SLCO5A1: variants seen among roughly 807,000 people sequenced by gnomAD.
The protein encoded by SLCO5A1 is solute carrier organic anion transporter family member 5A1, also known as organic anion transporter polypeptide-related protein 4.
In SLCO5A1, 39 loss-of-function variants were observed where a neutral mutation model predicts 65.1. The ratio of observed to expected loss-of-function variants is 0.60; its 90% CI spans 0.46 to 0.78. The LOEUF is 0.78. Ranked by LOEUF, SLCO5A1 falls within the 30% of genes least tolerant of loss-of-function variation. The pLI is 0.00. For synonymous variants in SLCO5A1, 438 were observed against 415.7 expected (o/e 1.05, Z -0.65); for missense variants, 1,029 against 1,069.4 (o/e 0.96, Z 0.53).
intron 9 of SLCO5A1, among the ~76,000 whole-genome samples, chr8:69,673,548 A>G (rs908275441): frequency 1.3e-5 from 2 of 152,210 alleles, no homozygotes; most frequent in Admixed American, 1.3e-4. Context: ...TTAGCCACCC[A>G]GAATGCGCTG....
intron 9 of SLCO5A1, among the ~76,000 whole-genome samples, chr8:69,675,053 C>CAT (rs954506289): frequency 8.0e-5 from 12 of 150,144 alleles, no homozygotes; most frequent in South Asian, 2.2e-4. Context: ...AAAAAAAATA[C>CAT]ATATATATAT....
At chr8:69,710,042 G>A (rs1815160781) in intron 5 of SLCO5A1, among the ~76,000 whole-genome samples, 2 of 70,264 alleles carry the variant, frequency 2.8e-5, no homozygotes, top group Non-Finnish European at 6.3e-5. Flanking sequence ...TTTTTAGACA[G>A]AGTTTCACTC....
intron 8 of SLCO5A1, among the ~76,000 whole-genome samples, chr8:69,677,028 TTTTTTG>T (rs746744066): frequency 6.7e-5 from 10 of 148,764 alleles, no homozygotes; most frequent in African/African-American, 1.0e-4. Flanking sequence ...ACTGCACGGT[TTTTTTG>T]TTTTTGTTTT....
At chr8:69,804,031 A>C (rs1001803902) in intron 2 of SLCO5A1, among the ~76,000 whole-genome samples, 2 of 152,188 alleles carry the variant, frequency 1.3e-5, no homozygotes, top group African/African-American at 4.8e-5. Context: ...CTGAAACAGC[A>C]GCCAAGAAAA....
chr8:69,789,253 T>C (rs898787274), intron 2 of SLCO5A1, among the ~76,000 whole-genome samples: 2 of 152,254 alleles, frequency 1.3e-5, no homozygotes, highest in Non-Finnish European at 2.9e-5. Flanking sequence ...CTTTTATCCA[T>C]TTATTTTGTG....
intron 2 of SLCO5A1, among the ~76,000 whole-genome samples, chr8:69,782,263 A>G (rs1440411856): frequency 6.6e-6 from 1 of 152,110 alleles, no homozygotes; most frequent in African/African-American, 2.4e-5. Context: ...ATCAAAAATT[A>G]TAAGTTATAT....
chr8:69,819,182 A>G (rs6472487), intron 2 of SLCO5A1, among the ~76,000 whole-genome samples: 89,101 of 151,704 alleles, frequency 0.59, 27,625 homozygotes, highest in African/African-American at 0.81. Context: ...CTCAGGAAGG[A>G]AGAAGGGGAT....
At chr8:69,712,176 A>G (rs1442337312) in intron 5 of SLCO5A1, among the ~76,000 whole-genome samples, 1 of 152,256 alleles carries the variant, frequency 6.6e-6, no homozygotes, top group African/African-American at 2.4e-5. Flanking sequence ...TGCTTTGCTC[A>G]TAAAAGGTCT....
intron 2 of SLCO5A1, among the ~76,000 whole-genome samples, chr8:69,785,814 T>C (rs1387040496): frequency 1.3e-5 from 2 of 152,228 alleles, no homozygotes; most frequent in African/African-American, 4.8e-5. Flanking sequence ...CCACCATTGC[T>C]GCTCTCCTAG....
chr8:69,737,994 GT>G, intron 5 of SLCO5A1, 45 bp downstream of exon 5: 2 of 1,581,880 alleles, frequency 1.3e-6, no homozygotes, highest in Non-Finnish European at 1.7e-6. Context: ...CCATTTCATG[GT>G]CAAAATGATC....
At chr8:69,792,596 A>T (rs938868562) in intron 2 of SLCO5A1, among the ~76,000 whole-genome samples, 4 of 152,220 alleles carry the variant, frequency 2.6e-5, no homozygotes, top group African/African-American at 9.6e-5. Context: ...GATGGATAAG[A>T]AAACTCGATA....
At chr8:69,793,451 TC>T (rs905111183) in intron 2 of SLCO5A1, among the ~76,000 whole-genome samples, 6 of 152,034 alleles carry the variant, frequency 3.9e-5, no homozygotes, top group Non-Finnish European at 8.8e-5. Flanking sequence ...GTCTTTTTTT[TC>T]CTATGTCAAT....
In SLCO5A1 at chr8:69,669,816, A is replaced by G. The variant is rs1586663269; in HGVS notation, c.*3053T>C. On this transcript the variant is annotated 3_prime_UTR_variant, in exon 10 of 10. Coordinates refer to ENST00000260126, the MANE Select transcript of SLCO5A1 (RefSeq NM_030958.3). ...GGGTGACAGAGCAAGACTCTGTCTC[A>G]AAAAAAAAAAAAGAATCAAATCTTT... 1 of 2,188 alleles carries G rather than the reference A, an allele frequency of 4.6e-4. No homozygotes were observed. Among genetic ancestry groups the G allele is most frequent in the Non-Finnish European group, 9.5e-4 (1 of 1,056 alleles). The allele number at this position is 2,188 out of a possible 1,614,324, so 0.1% of individuals were successfully genotyped here. A position where few individuals can be genotyped will look rare whatever the true frequency, so the allele number is the denominator to read the frequency against.
chr8:69,784,900 AAG>A (rs1818973851), intron 2 of SLCO5A1, among the ~76,000 whole-genome samples: 1 of 30,170 alleles, frequency 3.3e-5, no homozygotes, highest in Non-Finnish European at 5.8e-5. Flanking sequence ...GAAAGGAAGA[AAG>A]AAAGAAAGAA....
intron 6 of SLCO5A1, among the ~76,000 whole-genome samples, chr8:69,691,372 T>C (rs1409311106): frequency 6.6e-6 from 1 of 152,214 alleles, no homozygotes; most frequent in Non-Finnish European, 1.5e-5. Context: ...AAATCTACCT[T>C]CTTAACAAAG....
intron 2 of SLCO5A1, among the ~76,000 whole-genome samples, chr8:69,786,282 T>C (rs773474692): frequency 2.3e-4 from 35 of 152,236 alleles, no homozygotes; most frequent in Admixed American, 2.0e-4. Context: ...TTATTTCATA[T>C]GTGACAACTG....
intron 2 of SLCO5A1, among the ~76,000 whole-genome samples, chr8:69,792,570 G>T (rs1819317917): frequency 1.3e-5 from 2 of 152,204 alleles, no homozygotes; most frequent in South Asian, 4.1e-4. Context: ...TACTATGTAA[G>T]AATTAAAAGG....
At chr8:69,789,258 T>C (rs1819165796) in intron 2 of SLCO5A1, among the ~76,000 whole-genome samples, 1 of 152,218 alleles carries the variant, frequency 6.6e-6, no homozygotes, top group South Asian at 2.1e-4. Flanking sequence ...ATCCATTTAT[T>C]TTGTGTTTTG....
intron 2 of SLCO5A1, among the ~76,000 whole-genome samples, chr8:69,793,316 A>G (rs1342765385): frequency 6.6e-6 from 1 of 151,932 alleles, no homozygotes; most frequent in African/African-American, 2.4e-5. Flanking sequence ...TTTTTTTTCT[A>G]ACTATAAAGT....
Sources: allele counts gnomAD v4.1 joint callset (sites outside exome capture counted in the v4.1 genomes callset), GRCh38; gene constraint gnomAD v4.1.1; transcripts MANE v1.5; gene names NCBI Gene and HGNC (gene_info 2026-07-23, HGNC 2026-07-21).